The following PAK3 variants were observed in gnomAD, a reference collection of about 807,000 sequenced individuals.
PAK3 encodes p21 (RAC1) activated kinase 3, also known as serine/threonine-protein kinase PAK 3.
Under a neutral mutation model 41.0 loss-of-function variants are expected in PAK3, and 4 were observed. The ratio of observed to expected loss-of-function variants is 0.10; its 90% CI spans 0.05 to 0.22. The LOEUF (loss-of-function observed/expected upper bound fraction) is 0.22. PAK3 is among the 10% of genes least tolerant of loss of function. The pLI is 1.00. For synonymous variants in PAK3, 146 were observed against 139.6 expected, an observed-to-expected ratio of 1.05 and a Z score of -0.32; for missense variants, 205 against 409.9, an observed-to-expected ratio of 0.50 and a Z score of 4.32.
intron 8 of PAK3, among the ~76,000 whole-genome samples, chrX:111,155,401 T>A (rs763801294): frequency 9.2e-6 from 1 of 108,181 alleles, no homozygotes; most frequent in Admixed American, 1.0e-4. Flanking sequence ...CTTTGGAGGC[T>A]GAGGTGGGAG....
At chrX:111,076,233 G>A (rs1244395901) in intron 1 of PAK3, among the ~76,000 whole-genome samples, 1 of 111,025 alleles carries the variant, frequency 9.0e-6, no homozygotes, top group Admixed American at 9.6e-5. Flanking sequence ...AGGGGCCAGG[G>A]GCAGAATTAT....
At chrX:111,142,669 A>G (rs1182102475) in intron 6 of PAK3, among the ~76,000 whole-genome samples, 1 of 112,086 alleles carries the variant, frequency 8.9e-6, no homozygotes, top group African/African-American at 3.2e-5. Context: ...TTTCTAGAAC[A>G]TAGATAAGTT....
intron 1 of PAK3, among the ~76,000 whole-genome samples, chrX:110,982,397 C>T (rs1411377219): frequency 8.9e-6 from 1 of 111,896 alleles, no homozygotes; most frequent in Non-Finnish European, 1.9e-5. Flanking sequence ...TTTTATTCAG[C>T]TATGAAATGG....
At chrX:111,190,454 T>C (rs780135066) in intron 11 of PAK3, among the ~76,000 whole-genome samples, 4 of 111,860 alleles carry the variant, frequency 3.6e-5, no homozygotes, top group Non-Finnish European at 5.6e-5. Context: ...CTTAGTGCAG[T>C]GTCTGACATA....
At chrX:111,072,101 T>A (rs905612936) in intron 1 of PAK3, among the ~76,000 whole-genome samples, 3 of 111,816 alleles carry the variant, frequency 2.7e-5, no homozygotes, top group Admixed American at 9.5e-5. Context: ...TTTCAAGGGG[T>A]TAAGATTAAG....
chrX:111,144,711 T>C (rs1361667333), intron 6 of PAK3: 1 of 339,624 alleles, frequency 2.9e-6, no homozygotes. Context: ...TGGTGATTAC[T>C]CTTTGGCTAA....
At chrX:110,986,935 A>C (rs952342998) in intron 1 of PAK3, among the ~76,000 whole-genome samples, 1 of 112,157 alleles carries the variant, frequency 8.9e-6, no homozygotes, top group Admixed American at 9.5e-5. Context: ...TGTCACATAA[A>C]CATATACACA....
At chrX:111,132,273 A>T (rs1488190018) in intron 5 of PAK3, among the ~76,000 whole-genome samples, 1 of 111,377 alleles carries the variant, frequency 9.0e-6, no homozygotes, top group African/African-American at 3.3e-5. Flanking sequence ...TCCTTTCAAC[A>T]TGGATTTCCC....
At chrX:111,170,482 AAT>A (rs1025381493) in intron 10 of PAK3, among the ~76,000 whole-genome samples, 23 of 111,183 alleles carry the variant, frequency 2.1e-4, no homozygotes, top group African/African-American at 7.5e-4. Flanking sequence ...TAGCCCAGAG[AAT>A]AGACTGTTGT....
At position 111,175,079 on chromosome X, in the gene PAK3, C is replaced by T. The variant is rs139909405; in HGVS notation, c.830+1998C>T. On this transcript the variant is annotated intron_variant, in intron 11 of 17. Transcript: ENST00000372007. Reference sequence around the variant, plus strand: ...TACCACCAGACAGATTGCAAAAAGACAGTATTATGTACTAAAGGGACTTAG... The same window carrying T: ...TACCACCAGACAGATTGCAAAAAGATAGTATTATGTACTAAAGGGACTTAG... Among the ~76,000 whole-genome samples, 395 of 111,747 alleles carry T rather than the reference C, an allele frequency of 3.5e-3. 1 individual carries two copies. The highest frequency in any genetic ancestry group is 0.012 in the African/African-American group (371 of 30,782).
chrX:110,974,043 G>A (rs1026824554), intron 1 of PAK3, among the ~76,000 whole-genome samples: 10 of 111,783 alleles, frequency 8.9e-5, no homozygotes, highest in African/African-American at 3.3e-4. Flanking sequence ...ACCCAATACA[G>A]GAGCACCCAG....
rs1301594860 is a variant in PAK3, at chrX:111,222,513, C to T, written c.*2066C>T. 2 of 112,120 alleles carry T rather than the reference C, an allele frequency of 1.8e-5. No individual in the cohort carries two copies. Among genetic ancestry groups the T allele is most frequent in the East Asian group, 2.8e-4 (1 of 3,597 alleles). The allele number at this position is 112,120 out of a possible 1,213,427, so 9.2% of individuals were successfully genotyped here. A position where few individuals can be genotyped will look rare whatever the true frequency, so the allele number is the denominator to read the frequency against. On this transcript the variant is annotated 3_prime_UTR_variant, in exon 18 of 18. Transcript: ENST00000372007. ...CATACTATGTTATACTTTGCAAAAA[C>T]GAATCTGGGCCTGTAATTTTTAATG...
chrX:111,210,589 C>G lies in PAK3; in HGVS notation c.1408-5832C>G, dbSNP rs143642269. On this transcript the variant is annotated intron_variant, in intron 16 of 17. Coordinates refer to ENST00000372007, the MANE Select transcript of PAK3 (RefSeq NM_002578.5). ...AGCTTTAATACTTATGTATATAAGT[C>G]TGTTATAGTCTCAGCTCAGTTAAAT... 2.2e-4 allele frequency among the ~76,000 whole-genome samples: 25 copies of G among 111,868 alleles called. No homozygotes were observed. The East Asian group carries it at 5.9e-3, about 26-fold the overall frequency.
rs753498985 is a variant in PAK3, at chrX:111,163,602, C to A, written c.641C>A (p.Ala214Glu). ...RSVVESIASP[A>E]VPNKEVTPPS... is the part of the protein sequence containing the mutation. Reference sequence around the variant, plus strand: ...GTGGTTGAATCCATTGCTTCACCAGCAGTACCAAATAAAGAGGTCACACCA... The same window carrying A: ...GTGGTTGAATCCATTGCTTCACCAGAAGTACCAAATAAAGAGGTCACACCA... Residue 214 changes from alanine (A) to glutamate (E), a missense_variant, in exon 10 of 18, where the codon GCA (alanine) becomes GAA (glutamate). Ala to Glu is a moderately radical substitution (Grantham distance 107). Transcript: ENST00000372007. 3 of 1,201,676 alleles carry A rather than the reference C, an allele frequency of 2.5e-6. No homozygotes were observed. Among genetic ancestry groups the A allele is most frequent in the Admixed American group, 2.2e-5 (1 of 45,933 alleles).
intron 13 of PAK3, among the ~76,000 whole-genome samples, chrX:111,193,978 G>T (rs780058829): frequency 9.0e-6 from 1 of 111,104 alleles, no homozygotes; most frequent in African/African-American, 3.3e-5. Flanking sequence ...GGCAGGGTGG[G>T]AACATTGGGT....
intron 8 of PAK3, among the ~76,000 whole-genome samples, chrX:111,157,865 T>A (rs2094127369): frequency 9.0e-6 from 1 of 111,422 alleles, no homozygotes; most frequent in Non-Finnish European, 1.9e-5. Context: ...GTCAAAAATA[T>A]CTAATTTGAT....
At chrX:111,035,282 A>G (rs1408073608) in intron 1 of PAK3, among the ~76,000 whole-genome samples, 1 of 111,535 alleles carries the variant, frequency 9.0e-6, no homozygotes, top group Non-Finnish European at 1.9e-5. Context: ...CTGTGATAAT[A>G]TATGTACTTG....
intron 16 of PAK3, among the ~76,000 whole-genome samples, chrX:111,211,713 G>T (rs184863652): frequency 9.1e-6 from 1 of 109,557 alleles, no homozygotes; most frequent in South Asian, 3.9e-4. Flanking sequence ...TATGTGTTGG[G>T]GAGAGTCTTA....
At chrX:111,177,868 G>A (rs2094422757) in intron 11 of PAK3, among the ~76,000 whole-genome samples, 1 of 111,856 alleles carries the variant, frequency 8.9e-6, no homozygotes, top group South Asian at 3.7e-4. Context: ...TTCCTTAAAT[G>A]AGAATGCACT....
Sources: gnomAD v4.1 joint callset for allele counts (sites outside exome capture counted in the v4.1 genomes callset) on GRCh38, gnomAD v4.1.1 for gene constraint, MANE v1.5 for transcripts, NCBI Gene and HGNC (gene_info 2026-07-23, HGNC 2026-07-21) for gene names.